GSG1L: variants seen among roughly 807,000 people sequenced by gnomAD.
GSG1L encodes germ cell-specific gene 1-like protein.
Under a neutral mutation model 42.1 loss-of-function variants are expected in GSG1L, and 24 were observed. The observed-to-expected ratio is 0.57, with a 90% confidence interval of 0.41 to 0.80. GSG1L has a LOEUF of 0.80. Among genes scored for constraint, GSG1L ranks in the 30% least tolerant of loss-of-function variants. The pLI is 0.00. For synonymous variants in GSG1L, 215 were observed against 203.5 expected, an observed-to-expected ratio of 1.06 and a Z score of -0.48; for missense variants, 445 against 472.2, an observed-to-expected ratio of 0.94 and a Z score of 0.53.
rs940572398 is a variant in GSG1L at position 27,948,034 on chromosome 16, C to A, written c.397+15122G>T. 1.9e-4 allele frequency among the ~76,000 whole-genome samples: 29 copies of A among 152,162 alleles called. 1 individual carries two copies. The highest frequency in any genetic ancestry group is 1.8e-3 in the Admixed American group (27 of 15,272). The stretch of plus-strand genomic sequence containing the variant: ...GGAGGAATAAAGATTCCTCCCCAGC[C>A]CTACCTGGCCGACACTTACCTCGCC... On this transcript the variant is annotated intron_variant, in intron 2 of 6. Transcript: ENST00000447459.
chr16:27,946,677 AAAG>A (rs1716038167), intron 2 of GSG1L, among the ~76,000 whole-genome samples: 1 of 149,122 alleles, frequency 6.7e-6, no homozygotes, highest in African/African-American at 2.5e-5. Flanking sequence ...AGAAAGAAAG[AAAG>A]AAAGAAAGAA....
intron 3 of GSG1L, among the ~76,000 whole-genome samples, chr16:27,850,221 G>A (rs191237925): frequency 1.4e-3 from 216 of 151,426 alleles, no homozygotes; most frequent in African/African-American, 4.9e-3. Context: ...AGAGACAGGG[G>A]TTTCACCATG....
chr16:27,814,312 A>G (rs2083067988), intron 5 of GSG1L, among the ~76,000 whole-genome samples: 1 of 152,028 alleles, frequency 6.6e-6, no homozygotes. Context: ...GGGTCTCACT[A>G]TATTGCCCAG....
At chr16:27,959,199 T>A (rs1326934920) in intron 2 of GSG1L, among the ~76,000 whole-genome samples, 1 of 150,886 alleles carries the variant, frequency 6.6e-6, no homozygotes, top group Non-Finnish European at 1.5e-5. Flanking sequence ...GGCTCATGCC[T>A]GTAATCCCAA....
intron 6 of GSG1L, among the ~76,000 whole-genome samples, chr16:27,792,469 C>G (rs1234881600): frequency 6.6e-6 from 1 of 152,172 alleles, no homozygotes; most frequent in Non-Finnish European, 1.5e-5. Context: ...CCCTTGTCAC[C>G]CCTCAAGTGT....
chr16:27,833,422 T>C (rs1224071568), intron 4 of GSG1L, among the ~76,000 whole-genome samples: 3 of 152,206 alleles, frequency 2.0e-5, no homozygotes, highest in Non-Finnish European at 4.4e-5. Context: ...TCAAATTGAG[T>C]ACTCTAATTC....
At chr16:27,889,417 T>G (rs1367885732) in intron 2 of GSG1L, among the ~76,000 whole-genome samples, 1 of 152,212 alleles carries the variant, frequency 6.6e-6, no homozygotes, top group Non-Finnish European at 1.5e-5. Context: ...TCGTTATAAT[T>G]GTCACAATAA....
chr16:28,056,549 T>C (rs993298899), intron 1 of GSG1L, among the ~76,000 whole-genome samples: 5 of 90,180 alleles, frequency 5.5e-5, no homozygotes, highest in Non-Finnish European at 1.5e-4. Context: ...AGCACACCAA[T>C]ATGGCACATG....
At chr16:28,047,423 AC>A (rs1472459264) in intron 1 of GSG1L, among the ~76,000 whole-genome samples, 21 of 152,180 alleles carry the variant, frequency 1.4e-4, no homozygotes, top group Non-Finnish European at 1.2e-4. Flanking sequence ...AAAATTGGGA[AC>A]ATTCAACAAA....
chr16:27,979,688 A>AAAGAAAGAAAGAG (rs2085297121), intron 1 of GSG1L, among the ~76,000 whole-genome samples: 1 of 27,762 alleles, frequency 3.6e-5, no homozygotes, highest in Admixed American at 4.9e-4. Context: ...AGAAAGAAAG[A>AAAGAAAGAAAGAG]AGGAAGGAAG....
intron 3 of GSG1L, among the ~76,000 whole-genome samples, chr16:27,882,751 C>T (rs2083975215): frequency 6.6e-6 from 1 of 152,162 alleles, no homozygotes; most frequent in Non-Finnish European, 1.5e-5. Flanking sequence ...TGTTAACACA[C>T]CCAGTCCATA....
chr16:28,054,638 T>G (rs1369395564), intron 1 of GSG1L, among the ~76,000 whole-genome samples: 1 of 151,326 alleles, frequency 6.6e-6, no homozygotes, highest in Non-Finnish European at 1.5e-5. Flanking sequence ...CAAAAAATAA[T>G]AATAATAAAA....
At position 28,043,284 on chromosome 16, in the gene GSG1L, C is replaced by G. The variant is rs185760744; in HGVS notation, c.349+19792G>C. ...AGGGTGGAAAGCAAGGACGAGATCT[C>G]TCAGGCCAGGCAAAGGCATCCTCAA... On this transcript the variant is annotated intron_variant, in intron 1 of 6. Coordinates refer to ENST00000447459, the MANE Select transcript of GSG1L (RefSeq NM_001109763.2). Among the ~76,000 whole-genome samples, 5 of 152,262 alleles carry G rather than the reference C, an allele frequency of 3.3e-5. No individual in the cohort carries two copies. In the East Asian group the frequency reaches 9.7e-4, roughly 29 times the overall value.
At chr16:27,999,694 G>A (rs572412720) in intron 1 of GSG1L, among the ~76,000 whole-genome samples, 26 of 152,056 alleles carry the variant, frequency 1.7e-4, no homozygotes, top group Non-Finnish European at 2.6e-4. Flanking sequence ...TATTTGTTTG[G>A]GTAGTTAATA....
intron 2 of GSG1L, among the ~76,000 whole-genome samples, chr16:27,952,626 C>A (rs1179126018): frequency 6.6e-6 from 1 of 152,178 alleles, no homozygotes; most frequent in African/African-American, 2.4e-5. Flanking sequence ...AAGAACTAGA[C>A]CGTGCTGGGC....
chr16:28,007,916 A>G (rs1011886147), intron 1 of GSG1L, among the ~76,000 whole-genome samples: 4 of 152,294 alleles, frequency 2.6e-5, no homozygotes, highest in Non-Finnish European at 4.4e-5. Context: ...CATACCCTGT[A>G]TGGCAGACAC....
intron 1 of GSG1L, among the ~76,000 whole-genome samples, chr16:28,009,133 A>G (rs1422229057): frequency 6.6e-6 from 1 of 152,108 alleles, no homozygotes; most frequent in African/African-American, 2.4e-5. Context: ...TTAACTGCCC[A>G]GTTCTGAGCG....
intron 4 of GSG1L, among the ~76,000 whole-genome samples, chr16:27,843,301 A>C (rs1596549719): frequency 6.6e-6 from 1 of 152,080 alleles, no homozygotes; most frequent in South Asian, 2.1e-4. Flanking sequence ...GCTCTGGACC[A>C]TGTGGCTCAG....
intron 1 of GSG1L, among the ~76,000 whole-genome samples, chr16:27,976,696 C>G (rs1387226669): frequency 6.6e-6 from 1 of 152,192 alleles, no homozygotes; most frequent in African/African-American, 2.4e-5. Context: ...GTCACCTTAG[C>G]CATCACGTCT....
Sources: allele counts gnomAD v4.1 joint callset (sites outside exome capture counted in the v4.1 genomes callset), GRCh38; gene constraint gnomAD v4.1.1; transcripts MANE v1.5; gene names NCBI Gene and HGNC (gene_info 2026-07-23, HGNC 2026-07-21).